The following FRS2 variants were observed in gnomAD, a reference collection of about 807,000 sequenced individuals.
The protein encoded by FRS2 is FGFR signalling adaptor.
A neutral mutation model predicts 43.9 loss-of-function variants in FRS2; 8 were observed. The observed-to-expected ratio is 0.18, with a 90% CI of 0.11 to 0.33. FRS2 has a LOEUF of 0.33. Ranked by LOEUF, FRS2 falls within the 10% of genes least tolerant of loss-of-function variation. The pLI is 1.00. For synonymous variants in FRS2, 219 were observed against 220.3 expected (o/e 0.99, Z 0.05); for missense variants, 534 against 627.6 (o/e 0.85, Z 1.59).
At chr12:69,503,042 G>A (rs1479503374) in intron 1 of FRS2, among the ~76,000 whole-genome samples, 2 of 152,202 alleles carry the variant, frequency 1.3e-5, no homozygotes, top group Admixed American at 6.5e-5. Flanking sequence ...GATATCACAA[G>A]GTTGAAATCG....
rs1177110918 is a variant in FRS2 at position 69,470,436 on chromosome 12, G to A, written c.-355G>A. ...CTTGTAGGCACAGCGGCTGAGACTC[G>A]ATCTGCTCCAAGTAGGGGCTCCAGC... is the stretch of plus-strand genomic sequence containing the variant. On this transcript the variant is annotated 5_prime_UTR_variant, in exon 1 of 9. Coordinates refer to ENST00000549921, the MANE Select transcript of FRS2 (RefSeq NM_001278356.2). 5.0e-6 allele frequency: 2 copies of A among 398,466 alleles called. No individual in the cohort carries two copies. The highest frequency in any genetic ancestry group is 8.8e-6 in the Non-Finnish European group (2 of 226,060). The allele number at this position is 398,466 out of a possible 1,614,324, so 24.7% of individuals were successfully genotyped here.
intron 1 of FRS2, among the ~76,000 whole-genome samples, chr12:69,513,725 C>G (rs1437971416): frequency 6.6e-6 from 1 of 152,056 alleles, no homozygotes; most frequent in African/African-American, 2.4e-5. Context: ...CTAAAAATGA[C>G]CCTTGGGGGT....
rs775308985 is a variant in FRS2 at position 69,574,513 on chromosome 12, G to C, written c.1085G>C (p.Arg362Pro). 2 of 1,613,998 alleles carry C rather than the reference G, an allele frequency of 1.2e-6. No individual in the cohort carries two copies. Among genetic ancestry groups the C allele is most frequent in the Non-Finnish European group, 1.7e-6 (2 of 1,179,972 alleles). The change falls in exon 9 of 9, where the codon CGC (arginine) becomes CCC (proline). Residue 362 changes from arginine (R) to proline (P), a missense_variant. Around this residue, in one of 3 missense-constraint regions of FRS2, gnomAD observed 446 missense variants for 494.2 expected, o/e 0.90. Transcript: ENST00000549921. ...TCTTTGCCTCCTGTTTGGGAAGCCC[G>C]CAAGCTAAGTAGGGATGAAGATGAC... The part of the protein sequence containing the change: ...LPSLPPVWEA[R>P]KLSRDEDDNL...
chr12:69,571,574 G>A (rs2135812239), intron 7 of FRS2, 140 bp downstream of exon 7: 1 of 733,328 alleles, frequency 1.4e-6, no homozygotes, highest in Non-Finnish European at 2.2e-6. Context: ...TTTAAAAACA[G>A]CTGTAGGCCG....
intron 3 of FRS2, among the ~76,000 whole-genome samples, chr12:69,544,105 T>C (rs900506175): frequency 5.0e-5 from 7 of 139,396 alleles, no homozygotes; most frequent in African/African-American, 1.6e-4. Context: ...GGAGGCTTTC[T>C]TTTTTTTTTT....
At chr12:69,568,724 GT>G (rs3835002) in intron 4 of FRS2, among the ~76,000 whole-genome samples, 91,769 of 150,616 alleles carry the variant, frequency 0.61, 29,342 homozygotes, top group African/African-American at 0.82. Flanking sequence ...CCTTAAGTTG[GT>G]TTTTTTTTTA....
rs142565786 is a variant in FRS2, at chr12:69,546,489, C to G, written c.-122+14433C>G. ...CCTGGGCTGGTCTTGAACTCCTGGCCTCAAGTGATCTGCTCACCTTGGCCT... is the reference window on the plus strand; with the variant it reads ...CCTGGGCTGGTCTTGAACTCCTGGCGTCAAGTGATCTGCTCACCTTGGCCT... On this transcript the variant is annotated intron_variant, in intron 3 of 8. Coordinates refer to ENST00000549921, the MANE Select transcript of FRS2 (RefSeq NM_001278356.2). 2.6e-3 allele frequency among the ~76,000 whole-genome samples: 401 copies of G among 152,220 alleles called. 2 individuals are homozygous for G. The highest frequency in any genetic ancestry group is 9.1e-3 in the African/African-American group (379 of 41,548).
chr12:69,533,827 G>T (rs1877033618), intron 3 of FRS2, among the ~76,000 whole-genome samples: 1 of 152,160 alleles, frequency 6.6e-6, no homozygotes, highest in African/African-American at 2.4e-5. Context: ...AGGTATACTG[G>T]ATTATAAACC....
At chr12:69,520,699 C>T (rs1286357671) in intron 1 of FRS2, among the ~76,000 whole-genome samples, 1 of 152,000 alleles carries the variant, frequency 6.6e-6, no homozygotes, top group East Asian at 1.9e-4. Context: ...TTGTTTTTAT[C>T]AAGTTTGTTG....
Position 69,578,764 on chromosome 12 carries a change from A to C in FRS2, c.*3809A>C, listed in dbSNP as rs1435424361. The C allele has an allele frequency of 1.3e-5, 2 of 152,618 alleles. No homozygotes were observed. Among genetic ancestry groups the C allele is most frequent in the Admixed American group, 1.3e-4 (2 of 15,276 alleles). The allele number at this position is 152,618 out of a possible 1,614,324, so 9.5% of individuals were successfully genotyped here. On this transcript the variant is annotated 3_prime_UTR_variant, in exon 9 of 9. Coordinates refer to ENST00000549921, the MANE Select transcript of FRS2 (RefSeq NM_001278356.2). ...TTATAAATGTTTTTTTCCTACGTAA[A>C]GGCATAAATATAGCAACTTTGTATA...
chr12:69,500,253 A>G (rs1873323793), intron 1 of FRS2, among the ~76,000 whole-genome samples: 1 of 152,178 alleles, frequency 6.6e-6, no homozygotes, highest in African/African-American at 2.4e-5. Context: ...TGAAGATACT[A>G]AGATCTTGTA....
Position 69,564,794 on chromosome 12 carries a change from C to T in FRS2, c.-27+2520C>T, listed in dbSNP as rs147440229. ...TGTTTATTTAAAATGCACTTCTGAC[C>T]GTCTCACTTTTCTACTTAAAATACA... is the stretch of plus-strand genomic sequence containing the variant. On this transcript the variant is annotated intron_variant, in intron 4 of 8. Coordinates refer to ENST00000549921, the MANE Select transcript of FRS2 (RefSeq NM_001278356.2). Among the ~76,000 whole-genome samples, 1,027 of 152,178 alleles carry T rather than the reference C, an allele frequency of 6.7e-3. 7 individuals are homozygous for T. Among genetic ancestry groups the T allele is most frequent in the Non-Finnish European group, 0.011 (733 of 67,996 alleles).
At chr12:69,561,540 G>C (rs34159108) in intron 3 of FRS2, among the ~76,000 whole-genome samples, 1,551 of 152,240 alleles carry the variant, frequency 0.01, 22 homozygotes, top group African/African-American at 0.036. Flanking sequence ...TAAATAAATT[G>C]ACCAGAAATT....
In FRS2 at chr12:69,574,137, G is replaced by T. The variant is rs1565786437; in HGVS notation, c.709G>T (p.Asp237Tyr). ...TPKEEPSSIE[D>Y]RDPQILLEPE... Reference sequence around the variant, plus strand: ...AAAAGAAGAACCAAGTAGTATTGAGGACAGGGATCCTCAGATTCTTCTTGA... The same window carrying T: ...AAAAGAAGAACCAAGTAGTATTGAGTACAGGGATCCTCAGATTCTTCTTGA... Residue 237 changes from aspartate (D) to tyrosine (Y), a missense_variant, in exon 9 of 9, where the codon GAC (aspartate) becomes TAC (tyrosine). Physicochemically the swap from Asp to Tyr is radical, Grantham distance 160 (BLOSUM62 -3). Around this residue, in one of 3 missense-constraint regions of FRS2, gnomAD observed 446 missense variants for 494.2 expected, o/e 0.90. Transcript: ENST00000549921. 12 of 1,614,168 alleles carry T rather than the reference G, an allele frequency of 7.4e-6. No individual in the cohort carries two copies. The highest frequency in any genetic ancestry group is 1.0e-5 in the Non-Finnish European group (12 of 1,179,980).
intron 1 of FRS2, among the ~76,000 whole-genome samples, chr12:69,527,290 A>G (rs1286807412): frequency 8.4e-6 from 1 of 119,448 alleles, no homozygotes; most frequent in Non-Finnish European, 1.7e-5. Flanking sequence ...ATCTTTCTTC[A>G]TTTGTCCTCT....
chr12:69,525,523 C>A (rs1053133813), intron 1 of FRS2, among the ~76,000 whole-genome samples: 5 of 152,274 alleles, frequency 3.3e-5, no homozygotes, highest in African/African-American at 1.2e-4. Context: ...TTTATATGTT[C>A]CTAATTCTAG....
At chr12:69,551,537 A>G (rs953446959) in intron 3 of FRS2, among the ~76,000 whole-genome samples, 2 of 152,252 alleles carry the variant, frequency 1.3e-5, no homozygotes, top group Non-Finnish European at 2.9e-5. Flanking sequence ...TGAAACCTTT[A>G]GAGGAAGGAT....
rs550875439 is a variant in FRS2, at chr12:69,516,800, A to G, written c.-260-14065A>G. Among the ~76,000 whole-genome samples the G allele has an allele frequency of 5.6e-4, 86 of 152,288 alleles. 1 individual carries two copies. The highest frequency in any genetic ancestry group is 5.0e-3 in the South Asian group (24 of 4,834). On this transcript the variant is annotated intron_variant, in intron 1 of 8. Transcript: ENST00000549921. ...CTAGCTGTATAAAATGGATTTTTGCATAAAAGCAGTTGATGTTATATATTC... is the reference window on the plus strand; with the variant it reads ...CTAGCTGTATAAAATGGATTTTTGCGTAAAAGCAGTTGATGTTATATATTC...
intron 3 of FRS2, among the ~76,000 whole-genome samples, chr12:69,560,965 G>A (rs950666375): frequency 1.3e-5 from 2 of 152,108 alleles, no homozygotes; most frequent in African/African-American, 4.8e-5. Context: ...TGCAGGATAA[G>A]GGTTGCAGAA....
Sources: allele counts gnomAD v4.1 joint callset (sites outside exome capture counted in the v4.1 genomes callset), GRCh38; gene constraint gnomAD v4.1.1; regional missense constraint gnomAD v4.1.1; transcripts MANE v1.5; gene names NCBI Gene and HGNC (gene_info 2026-07-23, HGNC 2026-07-21).